The following CDH13 variants were observed in gnomAD, a reference collection of about 807,000 sequenced individuals.
CDH13 encodes cadherin-13.
CDH13 carries 24 observed loss-of-function variants against 63.8 expected under a neutral mutation model. The observed-to-expected ratio is 0.38, with a 90% confidence interval of 0.27 to 0.53. The LOEUF (loss-of-function observed/expected upper bound fraction) is 0.53. Among genes scored for constraint, CDH13 ranks in the 20% least tolerant of loss-of-function variants. The pLI is 0.85. For synonymous variants in CDH13, 503 were observed against 355.3 expected, an observed-to-expected ratio of 1.42 and a Z score of -4.67; for missense variants, 1,049 against 903.1, an observed-to-expected ratio of 1.16 and a Z score of -2.07.
At chr16:83,067,498 G>A (rs1403241405) in intron 3 of CDH13, among the ~76,000 whole-genome samples, 14 of 152,140 alleles carry the variant, frequency 9.2e-5, no homozygotes, top group Admixed American at 9.2e-4. Context: ...AGAAATGATA[G>A]GAAACAAACG....
At chr16:83,790,893 T>A (rs463480) in intron 13 of CDH13, among the ~76,000 whole-genome samples, 123,275 of 152,260 alleles carry the variant, frequency 0.81, 49,935 homozygotes, top group Admixed American at 0.84. Flanking sequence ...CATTGCTTTC[T>A]GCTTAATTAA....
At chr16:83,453,614 A>T (rs532900347) in intron 6 of CDH13, among the ~76,000 whole-genome samples, 8 of 152,110 alleles carry the variant, frequency 5.3e-5, no homozygotes, top group Non-Finnish European at 1.2e-4. Flanking sequence ...AATTGAGTCT[A>T]TCTGTGGGGT....
At chr16:83,024,031 TTAAA>T (rs1425045892) in intron 2 of CDH13, among the ~76,000 whole-genome samples, 18 of 152,190 alleles carry the variant, frequency 1.2e-4, no homozygotes, top group Admixed American at 6.5e-5. Flanking sequence ...ATTATTTATA[TTAAA>T]TAAATTATTT....
chr16:83,103,531 C>G (rs900461337), intron 3 of CDH13, among the ~76,000 whole-genome samples: 4 of 152,146 alleles, frequency 2.6e-5, no homozygotes, highest in African/African-American at 9.7e-5. Flanking sequence ...CAGGCATGAG[C>G]CACCGTGCCC....
At chr16:83,130,844 A>G (rs953931312) in intron 4 of CDH13, among the ~76,000 whole-genome samples, 2 of 152,124 alleles carry the variant, frequency 1.3e-5, no homozygotes, top group African/African-American at 4.8e-5. Context: ...AATTCCTGTA[A>G]AGAAAGGAGA....
chr16:83,299,984 G>A (rs1331702134), intron 5 of CDH13, among the ~76,000 whole-genome samples: 2 of 152,244 alleles, frequency 1.3e-5, no homozygotes, highest in Non-Finnish European at 2.9e-5. Context: ...TAACAGAATT[G>A]AGTTCCTCAT....
chr16:82,759,931 A>G (rs1353262039), intron 1 of CDH13, among the ~76,000 whole-genome samples: 1 of 152,082 alleles, frequency 6.6e-6, no homozygotes, highest in Non-Finnish European at 1.5e-5. Flanking sequence ...AAAGCCTTAT[A>G]TTTACTGTAA....
chr16:83,661,416 A>G (rs560223916), intron 8 of CDH13, among the ~76,000 whole-genome samples: 78 of 152,016 alleles, frequency 5.1e-4, no homozygotes, highest in Middle Eastern at 6.8e-3. Flanking sequence ...TTAGGAGGTC[A>G]AGGCTGCAAT....
chr16:83,252,434 G>C (rs1462506215), intron 5 of CDH13, among the ~76,000 whole-genome samples: 1 of 152,020 alleles, frequency 6.6e-6, no homozygotes, highest in Non-Finnish European at 1.5e-5. Context: ...ATTAACCAAA[G>C]ATGGTGACCT....
chr16:82,633,781 A>C (rs569517046), intron 1 of CDH13, among the ~76,000 whole-genome samples: 3 of 152,214 alleles, frequency 2.0e-5, no homozygotes, highest in Non-Finnish European at 4.4e-5. Context: ...GCCGTTCTAC[A>C]TACAGTGTTA....
At chr16:83,330,167 A>G (rs757203562) in intron 5 of CDH13, among the ~76,000 whole-genome samples, 1 of 152,198 alleles carries the variant, frequency 6.6e-6, no homozygotes, top group African/African-American at 2.4e-5. Context: ...CATGTAATAA[A>G]ATTATGTATA....
At chr16:82,975,820 C>G (rs1369387053) in intron 2 of CDH13, among the ~76,000 whole-genome samples, 1 of 152,126 alleles carries the variant, frequency 6.6e-6, no homozygotes, top group East Asian at 1.9e-4. Flanking sequence ...TTAACCATTG[C>G]CCTTGTCTAT....
chr16:83,138,521 G>C (rs1236999879), intron 4 of CDH13, among the ~76,000 whole-genome samples: 1 of 152,204 alleles, frequency 6.6e-6, no homozygotes, highest in Non-Finnish European at 1.5e-5. Flanking sequence ...GGGCGAGAGG[G>C]ACGGTGGTCT....
intron 6 of CDH13, among the ~76,000 whole-genome samples, chr16:83,404,903 T>G (rs1335430178): frequency 2.0e-5 from 3 of 152,214 alleles, no homozygotes; most frequent in Non-Finnish European, 4.4e-5. Flanking sequence ...ATTTTATGGA[T>G]GAACCATAAT....
intron 7 of CDH13, among the ~76,000 whole-genome samples, chr16:83,577,571 C>T (rs915298302): frequency 6.6e-6 from 1 of 152,126 alleles, no homozygotes; most frequent in Admixed American, 6.5e-5. Context: ...TACTAATGGC[C>T]ATCACATCTT....
chr16:83,502,830 C>T (rs780383675), intron 7 of CDH13, among the ~76,000 whole-genome samples: 2 of 152,218 alleles, frequency 1.3e-5, no homozygotes, highest in African/African-American at 2.4e-5. Context: ...AGTGTTCTAA[C>T]AGAGGCACAG....
intron 1 of CDH13, among the ~76,000 whole-genome samples, chr16:82,832,916 G>C (rs544317812): frequency 6.6e-6 from 1 of 152,350 alleles, no homozygotes; most frequent in African/African-American, 2.4e-5. Context: ...AGATGCTTAA[G>C]AGGCTGCTTT....
At chr16:83,614,264 G>A (rs911879817) in intron 8 of CDH13, among the ~76,000 whole-genome samples, 24 of 152,162 alleles carry the variant, frequency 1.6e-4, no homozygotes, top group Admixed American at 1.6e-3. Flanking sequence ...TGGGACTCAG[G>A]CTTTTTCAAG....
rs192973752 is a variant in CDH13, at chr16:82,872,422, C to G, written c.157+13949C>G. Among the ~76,000 whole-genome samples, 358 of 152,270 alleles carry G rather than the reference C, an allele frequency of 2.4e-3. 2 individuals are homozygous for G. The highest frequency in any genetic ancestry group is 7.7e-3 in the African/African-American group (318 of 41,546). ...GTTTTTCTTTAAGGAATTAAGAATACAGGAACATACGGATGTTACAGGAGC... is the reference window on the plus strand; with the variant it reads ...GTTTTTCTTTAAGGAATTAAGAATAGAGGAACATACGGATGTTACAGGAGC... On this transcript the variant is annotated intron_variant, in intron 2 of 13. Coordinates refer to ENST00000567109, the MANE Select transcript of CDH13 (RefSeq NM_001257.5).
Sources: gnomAD v4.1 joint callset for allele counts (sites outside exome capture counted in the v4.1 genomes callset) on GRCh38, gnomAD v4.1.1 for gene constraint, MANE v1.5 for transcripts, NCBI Gene and HGNC (gene_info 2026-07-23, HGNC 2026-07-21) for gene names.